The following TTC3 variants were observed in gnomAD, a reference collection of about 807,000 sequenced individuals.
The protein encoded by TTC3 is tetratricopeptide repeat domain 3, also known as E3 ubiquitin-protein ligase TTC3.
In TTC3, 180 loss-of-function variants were observed where a neutral mutation model predicts 249.6. The observed-to-expected ratio is 0.72, with a 90% CI of 0.64 to 0.82. The LOEUF is 0.82. Among genes scored for constraint, TTC3 ranks in the 40% least tolerant of loss-of-function variants. The probability of loss-of-function intolerance (pLI) is 0.00; values close to 1 mark genes in which losing one functional copy is unlikely to be tolerated. For missense variants in TTC3, 2,061 were observed against 2,398.4 expected, an observed-to-expected ratio of 0.86 and a Z score of 2.94; for synonymous variants, 717 against 805.0, an observed-to-expected ratio of 0.89 and a Z score of 1.85.
intron 44 of TTC3, among the ~76,000 whole-genome samples, chr21:37,200,031 C>T (rs1179093175): frequency 6.6e-6 from 1 of 152,182 alleles, no homozygotes; most frequent in Non-Finnish European, 1.5e-5. Flanking sequence ...GAACTTTATA[C>T]TTTTCTTTTT....
intron 19 of TTC3, among the ~76,000 whole-genome samples, chr21:37,139,099 G>A (rs1289297516): frequency 6.6e-6 from 1 of 152,066 alleles, no homozygotes; most frequent in East Asian, 1.9e-4. Context: ...TTGTAAAAAA[G>A]TGAAAAAATA....
In TTC3 at chr21:37,182,832, G is replaced by A. The variant is rs748493648; in HGVS notation, c.4676G>A (p.Trp1559Ter). The A allele has an allele frequency of 8.8e-6, 14 of 1,592,510 alleles. No homozygotes were observed. In the East Asian group the frequency reaches 2.9e-4, roughly 34 times the overall value. The change falls in exon 36 of 46, where the codon TGG (tryptophan) becomes TAG (stop). Residue 1559 changes from tryptophan (W) to a stop codon, truncating the protein, a stop_gained. Transcript: ENST00000355666. LOFTEE classifies it high-confidence loss of function. ...GATTTGGAAAGAGAAATTAAAAAAT[G>A]GCAACAGGAAAAAAAAGAAATCCAA...
intron 1 of TTC3, chr21:37,082,942 G>A (rs2071902444): frequency 2.0e-6 from 2 of 982,818 alleles, no homozygotes. Context: ...TAAGATTTGA[G>A]TTATCCTAAA....
intron 12 of TTC3, 101 bp downstream of exon 12, chr21:37,122,080 A>C: frequency 9.1e-7 from 1 of 1,101,212 alleles, no homozygotes; most frequent in Non-Finnish European, 1.3e-6. Flanking sequence ...CAATCCTCAG[A>C]TGATTTATCC....
chr21:37,187,000 CTG>C (rs770519523), intron 37 of TTC3, 47 bp from the exon 38 acceptor site: 9 of 1,202,410 alleles, frequency 7.5e-6, no homozygotes, highest in Non-Finnish European at 1.0e-5. Context: ...TGTCATCTCA[CTG>C]TGAAATTTTG....
At position 37,087,742 on chromosome 21, in the gene TTC3, T is replaced by TGA. The variant is rs562598259; in HGVS notation, c.145-90_145-89dup. On this transcript the variant is annotated intron_variant, in intron 2 of 45. Coordinates refer to ENST00000355666, the Ensembl canonical transcript of TTC3. ...TTGAAGCATATAAATAAATGCCCAC[T>TGA]GAAAGTTCTTTGGTTAGTTCTGATA... 229 of 1,036,732 alleles carry TGA rather than the reference T, an allele frequency of 2.2e-4. No homozygotes were observed. In the African/African-American group the frequency reaches 3.2e-3, roughly 15 times the overall value. 64.2% of individuals were successfully genotyped at this position (1,036,732 alleles called of 1,614,324 possible).
intron 10 of TTC3, among the ~76,000 whole-genome samples, chr21:37,103,645 A>G (rs182305859): frequency 6.6e-6 from 1 of 152,332 alleles, no homozygotes; most frequent in African/African-American, 2.4e-5. Flanking sequence ...GCTATATATT[A>G]TAAGTAATGT....
chr21:37,192,332 A>G (rs2084252594), intron 41 of TTC3, 119 bp downstream of exon 41: 2 of 616,828 alleles, frequency 3.2e-6, no homozygotes, highest in South Asian at 4.9e-5. Flanking sequence ...AATTGCCTTA[A>G]TGTTTCATTA....
intron 13 of TTC3, 106 bp downstream of exon 13, chr21:37,123,134 T>C (rs2076763431): frequency 1.7e-6 from 2 of 1,182,044 alleles, no homozygotes; most frequent in East Asian, 2.4e-5. Flanking sequence ...GCAACCACAG[T>C]AAAGTTGGAG....
At chr21:37,171,992 T>A (rs1249807357) in intron 34 of TTC3, among the ~76,000 whole-genome samples, 1 of 152,170 alleles carries the variant, frequency 6.6e-6, no homozygotes, top group Admixed American at 6.5e-5. Context: ...TCTTTCAGAG[T>A]TATATGCAGT....
chr21:37,114,624 C>T (rs1469898363), intron 11 of TTC3, among the ~76,000 whole-genome samples: 21 of 152,172 alleles, frequency 1.4e-4, no homozygotes, highest in East Asian at 1.9e-4. Context: ...GTCAGTGTGG[C>T]GATTCCTCAG....
chr21:37,106,268 C>G (rs1008720750), intron 10 of TTC3, among the ~76,000 whole-genome samples: 6 of 152,048 alleles, frequency 3.9e-5, no homozygotes, highest in South Asian at 2.1e-4. Context: ...GTAGAATGCC[C>G]TATTCATTTT....
intron 18 of TTC3, among the ~76,000 whole-genome samples, chr21:37,135,899 C>G (rs2077889693): frequency 6.6e-6 from 1 of 152,164 alleles, no homozygotes; most frequent in Non-Finnish European, 1.5e-5. Flanking sequence ...TTTGTGGCAA[C>G]CCTGTGTCAA....
chr21:37,087,305 G>C, exon 2 of TTC3: 1 of 1,614,100 alleles, frequency 6.2e-7, no homozygotes, highest in Non-Finnish European at 8.5e-7. Context: ...ATTATGCCTT[G>C]TTAGAAGATT....
intron 35 of TTC3, among the ~76,000 whole-genome samples, chr21:37,173,656 A>C (rs990758729): frequency 2.4e-4 from 37 of 152,366 alleles, no homozygotes; most frequent in African/African-American, 8.2e-4. Flanking sequence ...TAACATATTA[A>C]ATAGAAGAAA....
At chr21:37,081,996 C>G (rs2147625882) in intron 1 of TTC3, 1 of 152,058 alleles carries the variant, frequency 6.6e-6, no homozygotes, top group East Asian at 1.9e-4. Context: ...TCCCGAGTAG[C>G]TGGGACTACA....
intron 11 of TTC3, among the ~76,000 whole-genome samples, chr21:37,115,016 A>T (rs970324300): frequency 6.6e-6 from 1 of 151,930 alleles, no homozygotes; most frequent in African/African-American, 2.4e-5. Context: ...GGAACATCAC[A>T]CACCGGGGCC....
chr21:37,108,795 T>C (rs1245836419), intron 11 of TTC3, among the ~76,000 whole-genome samples: 2 of 152,196 alleles, frequency 1.3e-5, no homozygotes, highest in South Asian at 4.1e-4. Context: ...AAAAGATTTC[T>C]TAACACACAG....
chr21:37,110,393 G>A (rs1489387769), intron 11 of TTC3, among the ~76,000 whole-genome samples: 3 of 152,164 alleles, frequency 2.0e-5, no homozygotes, highest in South Asian at 2.1e-4. Context: ...ACCACGGCAC[G>A]AGAACTATGT....
Sources: allele counts gnomAD v4.1 joint callset (sites outside exome capture counted in the v4.1 genomes callset), GRCh38; gene constraint gnomAD v4.1.1; transcripts MANE v1.5; gene names NCBI Gene and HGNC (gene_info 2026-07-23, HGNC 2026-07-21).